Variants in WDR7 observed in about 807,000 individuals in gnomAD.
WDR7 encodes the protein WD repeat domain 7.
A neutral mutation model predicts 169.4 loss-of-function variants in WDR7; 46 were observed. The observed-to-expected ratio is 0.27, with a 90% CI of 0.21 to 0.35. The LOEUF (loss-of-function observed/expected upper bound fraction) is 0.35. WDR7 is among the 10% of genes least tolerant of loss of function. WDR7 has a pLI of 1.00. For synonymous variants in WDR7, 612 were observed against 666.8 expected (o/e 0.92, Z 1.27); for missense variants, 1,534 against 1,859.3 (o/e 0.83, Z 3.22).
At chr18:56,663,034 G>T (rs1304621390) in intron 1 of WDR7, among the ~76,000 whole-genome samples, 3 of 152,174 alleles carry the variant, frequency 2.0e-5, no homozygotes, top group Non-Finnish European at 1.5e-5. Flanking sequence ...TTCTGTGAGG[G>T]CTCTCTTCCT....
At chr18:57,023,865 T>C (rs1010740782) in intron 27 of WDR7, among the ~76,000 whole-genome samples, 8 of 152,244 alleles carry the variant, frequency 5.3e-5, no homozygotes, top group Non-Finnish European at 1.0e-4. Flanking sequence ...TGGTTTCGTT[T>C]ATTTTTATTT....
chr18:56,945,890 T>A (rs2047095946), intron 25 of WDR7, among the ~76,000 whole-genome samples: 1 of 152,154 alleles, frequency 6.6e-6, no homozygotes, highest in Non-Finnish European at 1.5e-5. Context: ...AAACCTTAAG[T>A]CCTTGGATGT....
chr18:56,989,753 T>C (rs531622558), intron 26 of WDR7, among the ~76,000 whole-genome samples: 3 of 152,320 alleles, frequency 2.0e-5, no homozygotes, highest in East Asian at 3.9e-4. Context: ...ATAAGAATTA[T>C]AAGTTTCCAA....
At chr18:56,676,742 C>T (rs1024022543) in intron 2 of WDR7, among the ~76,000 whole-genome samples, 48 of 151,540 alleles carry the variant, frequency 3.2e-4, no homozygotes, top group African/African-American at 1.1e-3. Context: ...GACAGGGTCC[C>T]ACTTTGTCAC....
chr18:56,665,245 A>G (rs964277899), intron 1 of WDR7, among the ~76,000 whole-genome samples: 1 of 151,386 alleles, frequency 6.6e-6, no homozygotes, highest in African/African-American at 2.4e-5. Context: ...ATGAGCCGAG[A>G]TTGCACCACT....
At chr18:56,703,943 C>G (rs1031820735) in intron 12 of WDR7, among the ~76,000 whole-genome samples, 36 of 152,112 alleles carry the variant, frequency 2.4e-4, no homozygotes, top group Non-Finnish European at 4.7e-4. Context: ...TTTTTAAAGG[C>G]TTTTGAACAG....
intron 17 of WDR7, 120 bp from the exon 18 acceptor site, chr18:56,779,311 T>A (rs2044284183): frequency 1.6e-6 from 1 of 627,834 alleles, no homozygotes; most frequent in Admixed American, 2.8e-5. Context: ...ATTGAAATCA[T>A]TTGTAATATA....
intron 14 of WDR7, chr18:56,753,265 A>G (rs1354053436): frequency 6.6e-6 from 1 of 152,164 alleles, no homozygotes; most frequent in East Asian, 1.9e-4. Context: ...TGGAGAGGGA[A>G]CAAAGAAATC....
intron 20 of WDR7, among the ~76,000 whole-genome samples, chr18:56,836,631 C>A (rs993391374): frequency 6.6e-6 from 1 of 151,964 alleles, no homozygotes; most frequent in African/African-American, 2.4e-5. Flanking sequence ...CATTTTCTTG[C>A]GTCTATTTTC....
At chr18:56,872,275 G>A (rs936507019) in intron 20 of WDR7, among the ~76,000 whole-genome samples, 1 of 152,052 alleles carries the variant, frequency 6.6e-6, no homozygotes, top group African/African-American at 2.4e-5. Flanking sequence ...CAATTAACAT[G>A]ATCTTTAGAG....
At chr18:56,882,414 A>G (rs1172903715) in intron 21 of WDR7, among the ~76,000 whole-genome samples, 1 of 152,236 alleles carries the variant, frequency 6.6e-6, no homozygotes, top group Non-Finnish European at 1.5e-5. Flanking sequence ...GACAGCTACA[A>G]CTTTTTAATT....
intron 19 of WDR7, among the ~76,000 whole-genome samples, chr18:56,813,722 C>G (rs1262223248): frequency 6.6e-6 from 1 of 151,804 alleles, no homozygotes; most frequent in Non-Finnish European, 1.5e-5. Context: ...AGATACTGGT[C>G]TGTAGTTTTC....
chr18:56,814,359 A>G (rs907423248), intron 19 of WDR7, among the ~76,000 whole-genome samples: 5 of 152,208 alleles, frequency 3.3e-5, no homozygotes, highest in African/African-American at 9.6e-5. Context: ...ATGGAGACTC[A>G]GATATTTCAA....
At chr18:56,991,143 AT>A (rs60092817) in intron 26 of WDR7, among the ~76,000 whole-genome samples, 5,858 of 110,700 alleles carry the variant, frequency 0.053, 125 homozygotes, top group Admixed American at 0.069. Flanking sequence ...CCTTCTCCTC[AT>A]TTTTTTTTTT....
At chr18:56,873,603 T>C (rs1335470197) in intron 20 of WDR7, 2 of 152,242 alleles carry the variant, frequency 1.3e-5, no homozygotes, top group Non-Finnish European at 2.9e-5. Context: ...GCAGTGGCCA[T>C]TGCAGAGGCT....
rs1167804942 is a variant in WDR7, at chr18:57,027,723, GTTCTT to G, written c.*522_*526del. ...TACCAAAAAGATTCTGTGTTTACAT[GTTCTT>G]TTCTTCTGGTGATTGCTAGGAAATT... On this transcript the variant is annotated 3_prime_UTR_variant, in exon 28 of 28. Transcript: ENST00000254442. The G allele has an allele frequency of 2.0e-5, 3 of 153,386 alleles. No individual in the cohort carries two copies. Among genetic ancestry groups the G allele is most frequent in the Non-Finnish European group, 2.9e-5 (2 of 68,686 alleles). 9.5% of individuals were successfully genotyped at this position (153,386 alleles called of 1,614,324 possible).
chr18:56,652,253 C>T (rs1021310145), intron 1 of WDR7, among the ~76,000 whole-genome samples: 3 of 152,196 alleles, frequency 2.0e-5, no homozygotes, highest in Non-Finnish European at 4.4e-5. Context: ...AACTAGGGAA[C>T]CTACCGTCGC....
At chr18:56,794,300 G>GTTTTT (rs1409713153) in intron 19 of WDR7, among the ~76,000 whole-genome samples, 1 of 42,010 alleles carries the variant, frequency 2.4e-5, no homozygotes, top group Non-Finnish European at 6.4e-5. Flanking sequence ...AAAAGGTAAA[G>GTTTTT]TCTATTTTTT....
At chr18:56,746,818 G>A (rs2043711861) in intron 14 of WDR7, among the ~76,000 whole-genome samples, 1 of 151,880 alleles carries the variant, frequency 6.6e-6, no homozygotes, top group African/African-American at 2.4e-5. Flanking sequence ...ATTTTTTCTT[G>A]TGGAATCCTG....
Sources: gnomAD v4.1 joint callset for allele counts (sites outside exome capture counted in the v4.1 genomes callset) on GRCh38, gnomAD v4.1.1 for gene constraint, MANE v1.5 for transcripts, NCBI Gene and HGNC (gene_info 2026-07-23, HGNC 2026-07-21) for gene names.